Variants in EPB41L3 observed in about 807,000 individuals in gnomAD.
EPB41L3 encodes the protein erythrocyte membrane protein band 4.1 like 3.
EPB41L3 carries 57 observed loss-of-function variants against 127.1 expected under a neutral mutation model. That is an observed-to-expected ratio of 0.45 (90% CI 0.36 to 0.56). The LOEUF is 0.56. Ranked by LOEUF, EPB41L3 falls within the 20% of genes least tolerant of loss-of-function variation. The pLI, the probability that EPB41L3 is intolerant of heterozygous loss-of-function variation, is 0.00. For synonymous variants in EPB41L3, 572 were observed against 549.5 expected (o/e 1.04, Z -0.57); for missense variants, 1,273 against 1,372.2 (o/e 0.93, Z 1.14).
intron 3 of EPB41L3, among the ~76,000 whole-genome samples, chr18:5,472,016 G>C (rs1440241522): frequency 1.3e-5 from 2 of 151,940 alleles, no homozygotes; most frequent in Non-Finnish European, 2.9e-5. Context: ...TGATGAAATA[G>C]GACTCCTACT....
intron 3 of EPB41L3, among the ~76,000 whole-genome samples, chr18:5,598,285 T>G (rs1329736366): frequency 6.6e-6 from 1 of 152,206 alleles, no homozygotes; most frequent in East Asian, 1.9e-4. Flanking sequence ...ACAGATTGAA[T>G]GCAGAAGCAG....
chr18:5,438,798 G>A (rs954769052), intron 5 of EPB41L3, among the ~76,000 whole-genome samples: 20 of 152,084 alleles, frequency 1.3e-4, no homozygotes, highest in African/African-American at 4.8e-4. Context: ...TCTTTATCCT[G>A]TGGCCTCTAC....
intron 3 of EPB41L3, among the ~76,000 whole-genome samples, chr18:5,559,687 G>A (rs2094095793): frequency 6.6e-6 from 1 of 152,014 alleles, no homozygotes; most frequent in African/African-American, 2.4e-5. Flanking sequence ...GATGTAATTT[G>A]AAACCCTCTT....
Position 5,491,861 on chromosome 18 carries a change from A to C in EPB41L3, c.-11-2667T>G, listed in dbSNP as rs913143639. 3.3e-5 allele frequency among the ~76,000 whole-genome samples: 5 copies of C among 152,296 alleles called. No individual in the cohort carries two copies. The East Asian group carries it at 7.7e-4, about 23-fold the overall frequency. On this transcript the variant is annotated intron_variant, in intron 1 of 22. Coordinates refer to ENST00000341928, the MANE Select transcript of EPB41L3 (RefSeq NM_012307.5). Reference sequence around the variant, plus strand: ...CACTAGAATCAATATCTAATTCCACATTTCTCAAAGGACATAAGCTCTTAT... The same window carrying C: ...CACTAGAATCAATATCTAATTCCACCTTTCTCAAAGGACATAAGCTCTTAT...
intron 3 of EPB41L3, among the ~76,000 whole-genome samples, chr18:5,611,797 G>A (rs1033469256): frequency 5.9e-5 from 9 of 151,966 alleles, no homozygotes; most frequent in African/African-American, 1.9e-4. Context: ...AGGCATGGTG[G>A]TGTGCACCTG....
chr18:5,501,277 AAATGAATG>A (rs77332925), intron 1 of EPB41L3, among the ~76,000 whole-genome samples: 28,530 of 150,956 alleles, frequency 0.19, 2,944 homozygotes, highest in African/African-American at 0.28. Context: ...TTAAGTATTT[AAATGAATG>A]AATGAATGAA....
At chr18:5,475,453 A>G (rs1214731703) in intron 3 of EPB41L3, among the ~76,000 whole-genome samples, 2 of 152,186 alleles carry the variant, frequency 1.3e-5, no homozygotes, top group Non-Finnish European at 2.9e-5. Context: ...CACAGCCCTG[A>G]AGGCTGGATC....
At chr18:5,457,035 T>A (rs2146906954) in intron 3 of EPB41L3, among the ~76,000 whole-genome samples, 1 of 152,336 alleles carries the variant, frequency 6.6e-6, no homozygotes, top group East Asian at 1.9e-4. Flanking sequence ...GACTATTCCT[T>A]TAAGTTCTGT....
intron 1 of EPB41L3, among the ~76,000 whole-genome samples, chr18:5,517,629 G>T (rs1452595961): frequency 6.6e-6 from 1 of 151,954 alleles, no homozygotes; most frequent in African/African-American, 2.4e-5. Context: ...GTAGAGACAG[G>T]GTTTCACCAC....
intron 13 of EPB41L3, among the ~76,000 whole-genome samples, chr18:5,414,354 T>C (rs1246437570): frequency 6.6e-6 from 1 of 152,192 alleles, no homozygotes; most frequent in African/African-American, 2.4e-5. Context: ...ACCTTGAAAA[T>C]GTCTCTTATG....
chr18:5,443,781 C>A lies in EPB41L3; in HGVS notation c.529+57G>T, dbSNP rs557015466. 57 of 1,462,004 alleles carry A rather than the reference C, an allele frequency of 3.9e-5. No individual in the cohort carries two copies. The Middle Eastern group carries it at 7.1e-4, about 18-fold the overall frequency. 90.6% of individuals were successfully genotyped at this position (1,462,004 alleles called of 1,614,324 possible). On this transcript the variant is annotated intron_variant, in intron 5 of 22. Coordinates refer to ENST00000341928, the MANE Select transcript of EPB41L3 (RefSeq NM_012307.5). ...CTTAGGTATGGGCTACCAATTCAGA[C>A]AACTTGCTCTCTGAAAACCTTCACA... is the stretch of plus-strand genomic sequence containing the variant.
intron 3 of EPB41L3, among the ~76,000 whole-genome samples, chr18:5,604,065 A>G (rs932252362): frequency 6.6e-6 from 1 of 152,088 alleles, no homozygotes; most frequent in Non-Finnish European, 1.5e-5. Flanking sequence ...ATGCATACAC[A>G]TGCCCACACA....
intron 6 of EPB41L3, 26 bp downstream of exon 6, chr18:5,438,009 C>T (rs1448382379): frequency 1.2e-6 from 2 of 1,609,628 alleles, no homozygotes; most frequent in Non-Finnish European, 1.7e-6. Flanking sequence ...ATATGCTTGT[C>T]TTTTGCATAG....
intron 11 of EPB41L3, 63 bp downstream of exon 11, chr18:5,423,315 G>T: frequency 6.9e-7 from 1 of 1,449,916 alleles, no homozygotes; most frequent in South Asian, 1.5e-5. Context: ...GAAAGCTCAT[G>T]ACAGTTTCAC....
intron 14 of EPB41L3, 60 bp downstream of exon 14, chr18:5,410,506 G>T: frequency 7.9e-7 from 1 of 1,264,522 alleles, no homozygotes; most frequent in Non-Finnish European, 1.2e-6. Flanking sequence ...TAAACACAGA[G>T]CCACCCCACA....
intron 2 of EPB41L3, among the ~76,000 whole-genome samples, chr18:5,481,407 C>T (rs1056101696): frequency 1.3e-5 from 2 of 152,122 alleles, no homozygotes; most frequent in African/African-American, 4.8e-5. Flanking sequence ...GATGCCCCTC[C>T]CCTTGATTCT....
At chr18:5,458,950 T>C (rs970997070) in intron 3 of EPB41L3, among the ~76,000 whole-genome samples, 2 of 152,180 alleles carry the variant, frequency 1.3e-5, no homozygotes, top group South Asian at 2.1e-4. Flanking sequence ...AAGTACAGTT[T>C]TGGGATCTTG....
intron 1 of EPB41L3, among the ~76,000 whole-genome samples, chr18:5,519,768 G>A (rs527727826): frequency 7.2e-4 from 110 of 152,324 alleles, no homozygotes; most frequent in African/African-American, 2.5e-3. Context: ...CCTTAGAAAG[G>A]ATATATTTCT....
chr18:5,506,511 AC>A (rs1434405178), intron 1 of EPB41L3, among the ~76,000 whole-genome samples: 3 of 151,656 alleles, frequency 2.0e-5, no homozygotes, highest in Non-Finnish European at 2.9e-5. Flanking sequence ...TTCCCTGTCT[AC>A]CCCTCCTGGC....
Sources: gnomAD v4.1 joint callset for allele counts (sites outside exome capture counted in the v4.1 genomes callset) on GRCh38, gnomAD v4.1.1 for gene constraint, MANE v1.5 for transcripts, NCBI Gene and HGNC (gene_info 2026-07-23, HGNC 2026-07-21) for gene names.